The following DACT1 variants were observed in gnomAD, a reference collection of about 807,000 sequenced individuals.
DACT1 encodes the protein dapper homolog 1.
Under a neutral mutation model 35.3 loss-of-function variants are expected in DACT1, and 19 were observed. That is an observed-to-expected ratio of 0.54 (90% CI 0.38 to 0.79). The LOEUF is 0.79. Among genes scored for constraint, DACT1 ranks in the 30% least tolerant of loss-of-function variants. DACT1 has a pLI of 0.00. For missense variants in DACT1, 1,143 were observed against 1,057.5 expected (o/e 1.08, Z -1.12); for synonymous variants, 545 against 466.7 (o/e 1.17, Z -2.16).
intron 1 of DACT1, 25 bp from the exon 2 acceptor site, chr14:58,640,711 G>A (rs2047618559): frequency 3.1e-6 from 5 of 1,613,670 alleles, no homozygotes; most frequent in East Asian, 2.2e-5. Context: ...GTATGTTCAT[G>A]TTTCCTTTGT....
rs2047702754 is a variant in DACT1 at position 58,647,294 on chromosome 14, A to G, written c.*160A>G. On this transcript the variant is annotated 3_prime_UTR_variant, in exon 4 of 4. Coordinates refer to ENST00000395153, the MANE Select transcript of DACT1 (RefSeq NM_001079520.2). ...ATTATTGTTTCATCTTCACGTATGGATGCTAGTGCCTTTAATGGAAGGTAA... is the reference window on the plus strand; with the variant it reads ...ATTATTGTTTCATCTTCACGTATGGGTGCTAGTGCCTTTAATGGAAGGTAA... The G allele has an allele frequency of 1.2e-6, 1 of 809,992 alleles. No homozygotes were observed. Among genetic ancestry groups the G allele is most frequent in the African/African-American group, 1.7e-5 (1 of 57,202 alleles). The allele number at this position is 809,992 out of a possible 1,614,324, so 50.2% of individuals were successfully genotyped here. A position where few individuals can be genotyped will look rare whatever the true frequency, so the allele number is the denominator to read the frequency against.
chr14:58,636,513 T>A (rs543314082), upstream of DACT1, among the ~76,000 whole-genome samples: 1 of 152,230 alleles, frequency 6.6e-6, no homozygotes, highest in African/African-American at 2.4e-5. Flanking sequence ...CACACCCAGA[T>A]AAATAACCAT....
chr14:58,638,686 C>T, intron 1 of DACT1, 139 bp downstream of exon 1: 1 of 1,201,990 alleles, frequency 8.3e-7, no homozygotes, highest in Non-Finnish European at 1.0e-6. Context: ...CGCCCCATAC[C>T]TCCCTGATCC....
intron 1 of DACT1, among the ~76,000 whole-genome samples, chr14:58,639,545 C>G (rs1437402908): frequency 6.6e-6 from 1 of 152,068 alleles, no homozygotes; most frequent in Non-Finnish European, 1.5e-5. Context: ...CATGTGTTTT[C>G]TTCTATTATC....
chr14:58,638,710 C>T (rs1341686915), intron 1 of DACT1, 163 bp downstream of exon 1: 1 of 1,191,048 alleles, frequency 8.4e-7, no homozygotes, highest in Non-Finnish European at 1.0e-6. Context: ...TCCTGAGTGC[C>T]CGCGGCGTGT....
upstream of DACT1, among the ~76,000 whole-genome samples, chr14:58,637,102 GGAGT>G (rs764006720): frequency 3.3e-5 from 5 of 152,220 alleles, no homozygotes; most frequent in Non-Finnish European, 5.9e-5. Context: ...CACAGAGAAG[GGAGT>G]AAGTTGCCCG....
Position 58,645,711 on chromosome 14 carries a change from A to T in DACT1, c.977A>T (p.Asn326Ile). ...VRTNKPRTSV[N>I]ADPTKGLLRN... ...ACCAACAAACCAAGAACCAGCGTGAACGCTGACCCCACGAAAGGGCTTCTG... is the reference window on the plus strand; with the variant it reads ...ACCAACAAACCAAGAACCAGCGTGATCGCTGACCCCACGAAAGGGCTTCTG... The change falls in exon 4 of 4, where the codon AAC becomes ATC. Residue 326 changes from asparagine to isoleucine, a missense_variant. Asn to Ile is a moderately radical substitution (Grantham distance 149). Coordinates refer to ENST00000395153, the MANE Select transcript of DACT1 (RefSeq NM_001079520.2). 1 of 1,614,224 alleles carries T rather than the reference A, an allele frequency of 6.2e-7. No individual in the cohort carries two copies. Among genetic ancestry groups the T allele is most frequent in the Non-Finnish European group, 8.5e-7 (1 of 1,180,042 alleles).
In DACT1 at chr14:58,640,749, G is replaced by A. The variant is rs767249134; in HGVS notation, c.359G>A (p.Arg120Gln). 30 of 1,613,968 alleles carry A rather than the reference G, an allele frequency of 1.9e-5. No homozygotes were observed. The highest frequency in any genetic ancestry group is 3.3e-5 in the Admixed American group (2 of 59,988). The change falls in exon 2 of 4, where the codon CGA becomes CAA. Residue 120 changes from arginine (R) to glutamine (Q), a missense_variant. This residue lies in a region of DACT1 where 1,054 missense variants were observed against 958.8 expected (regional missense o/e 1.10). Coordinates refer to ENST00000395153, the MANE Select transcript of DACT1 (RefSeq NM_001079520.2). Reference sequence around the variant, plus strand: ...CTTCCTAATCAGAACTGTTTGAGGCGAAGAGATGCTGGTTTGTTGAATCAG... The same window carrying A: ...CTTCCTAATCAGAACTGTTTGAGGCAAAGAGATGCTGGTTTGTTGAATCAG... ...LLRKQLNCLR[R>Q]RDAGLLNQLQ...
chr14:58,638,454 C>A lies in DACT1; in HGVS notation c.252C>A (p.Pro84=). 2 of 1,352,358 alleles carry A rather than the reference C, an allele frequency of 1.5e-6. No individual in the cohort carries two copies. The highest frequency in any genetic ancestry group is 2.8e-5 in the East Asian group (1 of 35,648). The allele number at this position is 1,352,358 out of a possible 1,614,324, so 83.8% of individuals were successfully genotyped here. A position where few individuals can be genotyped will look rare whatever the true frequency, so the allele number is the denominator to read the frequency against. Residue 84 remains proline, a synonymous_variant, in exon 1 of 4, where the codon CCC becomes CCA. Coordinates refer to ENST00000395153, the MANE Select transcript of DACT1 (RefSeq NM_001079520.2). ...CCGGGGGTGCGGGAGCCGCTGCGCCCCGCGCTGGGGAGCTACTGGGGGAGG... is the reference window on the plus strand; with the variant it reads ...CCGGGGGTGCGGGAGCCGCTGCGCCACGCGCTGGGGAGCTACTGGGGGAGG... ...RGAGGAGAAA[P]RAGELLGEAA...
chr14:58,640,968 T>C, intron 2 of DACT1, 100 bp downstream of exon 2: 2 of 1,343,634 alleles, frequency 1.5e-6, no homozygotes, highest in African/African-American at 1.4e-5. Flanking sequence ...ATGGAGTTTG[T>C]TTCCAGTGCA....
At position 58,640,761 on chromosome 14, in the gene DACT1, G is replaced by A; in HGVS notation, c.371G>A (p.Gly124Asp). Residue 124 changes from glycine to aspartate, a missense_variant, in exon 2 of 4, where the codon GGT becomes GAT. Physicochemically the swap from Gly to Asp is moderately conservative, Grantham distance 94. Around this residue, in one of 3 missense-constraint regions of DACT1, gnomAD observed 1,054 missense variants for 958.8 expected, o/e 1.10. Coordinates refer to ENST00000395153, the MANE Select transcript of DACT1 (RefSeq NM_001079520.2). Reference sequence around the variant, plus strand: ...AACTGTTTGAGGCGAAGAGATGCTGGTTTGTTGAATCAGTTGCAAGAGCTT... The same window carrying A: ...AACTGTTTGAGGCGAAGAGATGCTGATTTGTTGAATCAGTTGCAAGAGCTT... ...QLNCLRRRDAGLLNQLQELDK... is the reference protein window; with the variant it reads ...QLNCLRRRDADLLNQLQELDK... 1 of 1,614,130 alleles carries A rather than the reference G, an allele frequency of 6.2e-7. No individual in the cohort carries two copies. The highest frequency in any genetic ancestry group is 1.1e-5 in the South Asian group (1 of 91,084).
chr14:58,643,662 C>CTTCCAAA (rs2047647849), intron 3 of DACT1, among the ~76,000 whole-genome samples: 1 of 152,220 alleles, frequency 6.6e-6, no homozygotes, highest in Non-Finnish European at 1.5e-5. Flanking sequence ...GACCCGTGCT[C>CTTCCAAA]TTCCAAATGC....
At chr14:58,635,022 G>A (rs533402473), upstream of DACT1, among the ~76,000 whole-genome samples, 3 of 152,326 alleles carry the variant, frequency 2.0e-5, no homozygotes, top group African/African-American at 7.2e-5. Flanking sequence ...CACTTTCTGA[G>A]TGTCAATTAA....
upstream of DACT1, among the ~76,000 whole-genome samples, chr14:58,634,388 G>T (rs1385349911): frequency 6.6e-6 from 1 of 152,094 alleles, no homozygotes; most frequent in African/African-American, 2.4e-5. Flanking sequence ...TTGCTACCAC[G>T]CTTCTTTTTT....
chr14:58,645,740 A>T lies in DACT1; in HGVS notation c.1006A>T (p.Asn336Tyr). Residue 336 changes from asparagine to tyrosine, a missense_variant, in exon 4 of 4, where the codon AAC (asparagine) becomes TAC (tyrosine). This residue lies in a region of DACT1 where 1,054 missense variants were observed against 958.8 expected (regional missense o/e 1.10). Coordinates refer to ENST00000395153, the MANE Select transcript of DACT1 (RefSeq NM_001079520.2). The stretch of plus-strand genomic sequence containing the variant: ...TGACCCCACGAAAGGGCTTCTGAGG[A>T]ACGGGAGCGTTTGTGTCAGAGCCCC... ...NADPTKGLLRNGSVCVRAPGG... is the reference protein window; with the variant it reads ...NADPTKGLLRYGSVCVRAPGG... The T allele has an allele frequency of 6.2e-7, 1 of 1,614,180 alleles. No homozygotes were observed. Among genetic ancestry groups the T allele is most frequent in the South Asian group, 1.1e-5 (1 of 91,088 alleles).
At chr14:58,639,934 T>C in intron 1 of DACT1, among the ~76,000 whole-genome samples, 1 of 152,264 alleles carries the variant, frequency 6.6e-6, no homozygotes, top group Admixed American at 6.5e-5. Flanking sequence ...AGTGGCGCAT[T>C]CCTATTGTCC....
In DACT1 at chr14:58,646,880, T is replaced by G; in HGVS notation, c.2146T>G (p.Cys716Gly). The G allele has an allele frequency of 1.9e-6, 3 of 1,614,098 alleles. No individual in the cohort carries two copies. Among genetic ancestry groups the G allele is most frequent in the Non-Finnish European group, 8.5e-7 (1 of 1,180,014 alleles). Residue 716 changes from cysteine (C) to glycine (G), a missense_variant, in exon 4 of 4, where the codon TGC (cysteine) becomes GGC (glycine). Coordinates refer to ENST00000395153, the MANE Select transcript of DACT1 (RefSeq NM_001079520.2). ...EDEQSNYTTN[C>G]FGDSESSVSE... ...CGAGCAGAGCAATTACACCACCAAC[T>G]GCTTCGGGGACAGCGAGTCGAGTGT...
rs554290214 is a variant in DACT1, at chr14:58,643,655, C to G, written c.635-1714C>G. Among the ~76,000 whole-genome samples, 3 of 152,282 alleles carry G rather than the reference C, an allele frequency of 2.0e-5. No homozygotes were observed. The East Asian group carries it at 5.8e-4, about 29-fold the overall frequency. ...GTTTAGGTTTTCCTTCAAGACAGACCCGTGCTCTTCCAAATGCCACTTCCT... is the reference window on the plus strand; with the variant it reads ...GTTTAGGTTTTCCTTCAAGACAGACGCGTGCTCTTCCAAATGCCACTTCCT... On this transcript the variant is annotated intron_variant, in intron 3 of 3. Transcript: ENST00000395153.
chr14:58,647,167 T>A lies in DACT1; in HGVS notation c.*33T>A. 6.3e-7 allele frequency: 1 copy of A among 1,589,480 alleles called. No homozygotes were observed. Among genetic ancestry groups the A allele is most frequent in the Non-Finnish European group, 8.5e-7 (1 of 1,173,656 alleles). On this transcript the variant is annotated 3_prime_UTR_variant, in exon 4 of 4. Coordinates refer to ENST00000395153, the MANE Select transcript of DACT1 (RefSeq NM_001079520.2). The stretch of plus-strand genomic sequence containing the variant: ...CATTGGTGTAGAAAGTTTGTGTGTT[T>A]TTTTTTCTTCTCCCTAGTTGCCAAA...
Sources: gnomAD v4.1 joint callset for allele counts (sites outside exome capture counted in the v4.1 genomes callset) on GRCh38, gnomAD v4.1.1 for gene constraint, gnomAD v4.1.1 regional missense constraint, MANE v1.5 for transcripts, NCBI Gene and HGNC (gene_info 2026-07-23, HGNC 2026-07-21) for gene names.